Variants in ADD1 observed in about 807,000 individuals in gnomAD.
ADD1 encodes alpha-adducin.
A neutral mutation model predicts 80.5 loss-of-function variants in ADD1; 24 were observed. That is an observed-to-expected ratio of 0.30 (90% CI 0.22 to 0.42). The LOEUF (loss-of-function observed/expected upper bound fraction) is 0.42. Among genes scored for constraint, ADD1 ranks in the 10% least tolerant of loss-of-function variants. The pLI is 1.00. For synonymous variants in ADD1, 373 were observed against 393.8 expected (o/e 0.95, Z 0.63); for missense variants, 948 against 1,019.0 (o/e 0.93, Z 0.95).
intron 2 of ADD1, among the ~76,000 whole-genome samples, chr4:2,880,779 T>C (rs542224609): frequency 2.0e-5 from 3 of 152,004 alleles, no homozygotes; most frequent in Non-Finnish European, 4.4e-5. Flanking sequence ...CTGGCCGATA[T>C]TTATTTCTTT....
At chr4:2,852,178 C>CTT (rs1553815221) in intron 1 of ADD1, among the ~76,000 whole-genome samples, 10 of 58,600 alleles carry the variant, frequency 1.7e-4, no homozygotes, top group Admixed American at 1.4e-3. Context: ...TTCTTTCTTT[C>CTT]TTTCTTTCTT....
intron 1 of ADD1, among the ~76,000 whole-genome samples, chr4:2,867,342 C>T (rs1485811704): frequency 6.6e-6 from 1 of 152,140 alleles, no homozygotes; most frequent in South Asian, 2.1e-4. Flanking sequence ...TAACTCCATA[C>T]GTGTTGAAGT....
chr4:2,903,155 G>T (rs1264523956), intron 9 of ADD1, among the ~76,000 whole-genome samples: 1 of 152,194 alleles, frequency 6.6e-6, no homozygotes, highest in African/African-American at 2.4e-5. Flanking sequence ...TGTTTCTAGA[G>T]TACCACAGCC....
At chr4:2,872,091 C>T (rs1730546196) in intron 1 of ADD1, among the ~76,000 whole-genome samples, 1 of 152,062 alleles carries the variant, frequency 6.6e-6, no homozygotes, top group African/African-American at 2.4e-5. Context: ...GTTGAGTGTC[C>T]AGGAAGTGAG....
intron 1 of ADD1, among the ~76,000 whole-genome samples, chr4:2,849,039 T>TAC (rs1726683708): frequency 6.6e-6 from 1 of 152,194 alleles, no homozygotes; most frequent in African/African-American, 2.4e-5. Flanking sequence ...AAAGAGTAAT[T>TAC]ACACTTTTAC....
chr4:2,852,189 T>TCTTTCCTTTCTTTCCTTTCTTTC (rs1553815100), intron 1 of ADD1, among the ~76,000 whole-genome samples: 11 of 50,812 alleles, frequency 2.2e-4, no homozygotes, highest in Middle Eastern at 0.015. Flanking sequence ...TTTCTTTCTT[T>TCTTTCCTTTCTTTCCTTTCTTTC]CTTTCTTTCC....
intron 4 of ADD1, among the ~76,000 whole-genome samples, 183 bp from the exon 5 acceptor site, chr4:2,893,830 A>G (rs901391782): frequency 3.3e-5 from 5 of 152,130 alleles, no homozygotes; most frequent in Non-Finnish European, 5.9e-5. Flanking sequence ...ATATGTGATA[A>G]ATTAGTACAG....
chr4:2,895,601 C>T (rs552368804), intron 6 of ADD1, among the ~76,000 whole-genome samples: 1 of 152,180 alleles, frequency 6.6e-6, no homozygotes, highest in Non-Finnish European at 1.5e-5. Flanking sequence ...AGAAAAGGAG[C>T]GGCTGGGAGA....
At position 2,924,431 on chromosome 4, in the gene ADD1, A is replaced by G. The variant is rs374906927; in HGVS notation, c.1949-1583A>G. On this transcript the variant is annotated intron_variant, in intron 14 of 15. Coordinates refer to ENST00000683351, the MANE Select transcript of ADD1 (RefSeq NM_001354761.2). ...AACCAGGGGCACAGGGACCCCTGCC[A>G]GGAGGCTCCCGCCAGCATCCTCAGG... 1.1e-4 allele frequency among the ~76,000 whole-genome samples: 16 copies of G among 152,292 alleles called. No individual in the cohort carries two copies. In the South Asian group the frequency reaches 2.3e-3, roughly 22 times the overall value.
chr4:2,846,884 G>A (rs1416144738), intron 1 of ADD1, among the ~76,000 whole-genome samples: 2 of 151,340 alleles, frequency 1.3e-5, no homozygotes, highest in Admixed American at 6.6e-5. Context: ...TTGGGAGGCC[G>A]AGGCGGGCGG....
intron 9 of ADD1, among the ~76,000 whole-genome samples, chr4:2,903,565 AT>A (rs918292330): frequency 6.6e-6 from 1 of 152,220 alleles, no homozygotes; most frequent in African/African-American, 2.4e-5. Flanking sequence ...GGGCTGAAGC[AT>A]TCTTGGCAGC....
At chr4:2,909,792 G>C (rs1307129126) in intron 13 of ADD1, among the ~76,000 whole-genome samples, 1 of 151,874 alleles carries the variant, frequency 6.6e-6, no homozygotes, top group Non-Finnish European at 1.5e-5. Context: ...TGGGCAGTCT[G>C]TTGCTGTTGG....
chr4:2,847,266 C>G (rs896897490), intron 1 of ADD1, among the ~76,000 whole-genome samples: 10 of 148,650 alleles, frequency 6.7e-5, no homozygotes, highest in Non-Finnish European at 1.3e-4. Context: ...ACTAAAAATA[C>G]AAAAATTAGC....
intron 4 of ADD1, among the ~76,000 whole-genome samples, chr4:2,890,631 A>G (rs1734153777): frequency 6.6e-6 from 1 of 152,202 alleles, no homozygotes; most frequent in African/African-American, 2.4e-5. Flanking sequence ...GATGGTCTCC[A>G]TCTCCTGACC....
At chr4:2,853,832 G>T (rs963305392) in intron 1 of ADD1, 1 of 152,058 alleles carries the variant, frequency 6.6e-6, no homozygotes, top group African/African-American at 2.4e-5. Context: ...TTGAACTCCT[G>T]ACCTCAGGTG....
chr4:2,882,561 C>A (rs1165029591), intron 3 of ADD1, among the ~76,000 whole-genome samples: 3 of 152,214 alleles, frequency 2.0e-5, no homozygotes, highest in African/African-American at 2.4e-5. Context: ...CATGACAAAG[C>A]ATCAACTAAT....
At position 2,904,980 on chromosome 4, in the gene ADD1, G is replaced by A. The variant is rs4961; in HGVS notation, c.1378G>A (p.Gly460Arg). The change falls in exon 10 of 16, where the codon GGG becomes AGG. Residue 460 changes from glycine to arginine, a missense_variant. Coordinates refer to ENST00000683351, the MANE Select transcript of ADD1 (RefSeq NM_001354761.2). ...SGRGDEASEE[G>R]QNGSSPKSKT... is the part of the protein sequence containing the mutation. ...CCGGGGCGACGAAGCTTCCGAGGAA[G>A]GGCAGAATGGAAGCAGTCCCAAGTC... is the stretch of plus-strand genomic sequence containing the variant. The A allele has an allele frequency of 1.9e-6, 3 of 1,613,984 alleles. No homozygotes were observed. In the Admixed American group the frequency reaches 5.0e-5, roughly 27 times the overall value.
intron 9 of ADD1, among the ~76,000 whole-genome samples, chr4:2,903,758 G>T (rs1022294174): frequency 1.3e-5 from 2 of 152,146 alleles, no homozygotes; most frequent in Non-Finnish European, 2.9e-5. Flanking sequence ...CCACTGTGAA[G>T]TCTGTCTGTC....
chr4:2,856,836 C>T lies in ADD1; in HGVS notation c.-21+12812C>T, dbSNP rs1338355917. On this transcript the variant is annotated intron_variant, in intron 1 of 15. Transcript: ENST00000683351. ...AAACTCCTGACCTCAGGTGATCTGC[C>T]CACCTTGGCCTCCCGAAGTGCTGGA... is the stretch of plus-strand genomic sequence containing the variant. Among the ~76,000 whole-genome samples, 4 of 151,832 alleles carry T rather than the reference C, an allele frequency of 2.6e-5. No individual in the cohort carries two copies. In the East Asian group the frequency reaches 7.7e-4, roughly 29 times the overall value.
Sources: gnomAD v4.1 joint callset for allele counts (sites outside exome capture counted in the v4.1 genomes callset) on GRCh38, gnomAD v4.1.1 for gene constraint, MANE v1.5 for transcripts, NCBI Gene and HGNC (gene_info 2026-07-23, HGNC 2026-07-21) for gene names.